Variants in ACSS3 observed in about 807,000 individuals in gnomAD.
ACSS3 encodes the protein acyl-CoA synthetase short chain family member 3, also known as acyl-CoA synthetase short-chain family member 3, mitochondrial.
In ACSS3, 64 loss-of-function variants were observed where a neutral mutation model predicts 84.2. That is an observed-to-expected ratio of 0.76 (90% CI 0.62 to 0.94). The LOEUF is 0.94. Ranked by LOEUF, ACSS3 falls within the 40% of genes least tolerant of loss-of-function variation. The pLI, the probability that ACSS3 is intolerant of heterozygous loss-of-function variation, is 0.00. For missense variants in ACSS3, 815 were observed against 867.6 expected (o/e 0.94, Z 0.76); for synonymous variants, 317 against 310.1 (o/e 1.02, Z -0.23).
At position 81,213,947 on chromosome 12, in the gene ACSS3, C is replaced by CCT. The variant is rs1390422846; in HGVS notation, c.1355-2954_1355-2953insCT. Among the ~76,000 whole-genome samples, 244 of 47,516 alleles carry CCT rather than the reference C, an allele frequency of 5.1e-3. 12 individuals carry two copies. The highest frequency in any genetic ancestry group is 0.012 in the Middle Eastern group (1 of 82). The allele number at this position is 47,516 out of a possible 152,430, so 31.2% of individuals were successfully genotyped here. On this transcript the variant is annotated intron_variant, in intron 9 of 15. Transcript: ENST00000548058. ...TTCCTTCCTTCCTTTCTCTCTCTCTCTCCCTCTCTCTCTTTCTTTCTTTCT... is the reference window on the plus strand; with the variant it reads ...TTCCTTCCTTCCTTTCTCTCTCTCTCCTTCCCTCTCTCTCTTTCTTTCTTTCT...
chr12:81,246,422 G>A lies in ACSS3; in HGVS notation c.1720-6885G>A, dbSNP rs143189881. ...CAGGCTCTTAGGGCTTTTTCTGTCTGTACTCATTGTCAGTTACACATGCTG... is the reference window on the plus strand; with the variant it reads ...CAGGCTCTTAGGGCTTTTTCTGTCTATACTCATTGTCAGTTACACATGCTG... On this transcript the variant is annotated intron_variant, in intron 13 of 15. Coordinates refer to ENST00000548058, the MANE Select transcript of ACSS3 (RefSeq NM_024560.4). Among the ~76,000 whole-genome samples the A allele has an allele frequency of 7.9e-5, 12 of 152,234 alleles. No individual in the cohort carries two copies. In the East Asian group the frequency reaches 2.1e-3, roughly 27 times the overall value.
intron 8 of ACSS3, among the ~76,000 whole-genome samples, chr12:81,195,072 A>G (rs1047297028): frequency 2.0e-5 from 3 of 152,054 alleles, no homozygotes; most frequent in Admixed American, 6.6e-5. Context: ...AAACTAATTT[A>G]TGGCTTAACA....
intron 8 of ACSS3, among the ~76,000 whole-genome samples, chr12:81,181,423 G>T (rs1393334768): frequency 6.6e-6 from 1 of 152,122 alleles, no homozygotes; most frequent in African/African-American, 2.4e-5. Flanking sequence ...TCTGAAGTTT[G>T]GAAGAGGAGA....
At chr12:81,237,307 G>T (rs2033662112) in intron 13 of ACSS3, among the ~76,000 whole-genome samples, 1 of 151,466 alleles carries the variant, frequency 6.6e-6, no homozygotes, top group African/African-American at 2.4e-5. Context: ...TTTAAGATCT[G>T]AGCAATTCAT....
At chr12:81,085,606 ATCAAGGGAACT>A (rs1881258259) in intron 1 of ACSS3, among the ~76,000 whole-genome samples, 2 of 152,248 alleles carry the variant, frequency 1.3e-5, no homozygotes, top group Non-Finnish European at 2.9e-5. Flanking sequence ...TCCTCCAAAT[ATCAAGGGAACT>A]GTTCCGAAGG....
chr12:81,213,576 C>CTT (rs2135932349), intron 9 of ACSS3, among the ~76,000 whole-genome samples: 1 of 39,864 alleles, frequency 2.5e-5, no homozygotes. Context: ...CCTCTCCTCT[C>CTT]CTCTCCTCCC....
chr12:81,171,843 TA>T lies in ACSS3; in HGVS notation c.1099-2944del, dbSNP rs571571992. Among the ~76,000 whole-genome samples, 14 of 152,298 alleles carry T rather than the reference TA, an allele frequency of 9.2e-5. No homozygotes were observed. In the South Asian group the frequency reaches 2.9e-3, roughly 32 times the overall value. ...CTTACACAAACCTAGTGGTATAGCC[TA>T]CTACATAGCAGGGCTACATGGTATA... is the stretch of plus-strand genomic sequence containing the variant. On this transcript the variant is annotated intron_variant, in intron 7 of 15. Transcript: ENST00000548058.
At chr12:81,143,652 G>A (rs1437203970) in intron 5 of ACSS3, 1 of 151,944 alleles carries the variant, frequency 6.6e-6, no homozygotes, top group Non-Finnish European at 1.5e-5. Context: ...TGAGGTATAA[G>A]TTTCATGCAG....
chr12:81,154,355 G>A (rs561757675), intron 7 of ACSS3, among the ~76,000 whole-genome samples: 2 of 152,312 alleles, frequency 1.3e-5, no homozygotes, highest in East Asian at 3.9e-4. Context: ...TTAACACTGT[G>A]ATGGAGGGTT....
At chr12:81,199,794 T>G in intron 9 of ACSS3, 8 of 714,074 alleles carry the variant, frequency 1.1e-5, no homozygotes, top group Non-Finnish European at 1.7e-5. Context: ...CTTTGAGCTC[T>G]GGCAGCTGCA....
chr12:81,236,405 A>C (rs2033631769), intron 13 of ACSS3, among the ~76,000 whole-genome samples: 1 of 151,362 alleles, frequency 6.6e-6, no homozygotes, highest in African/African-American at 2.4e-5. Flanking sequence ...CCTTATTCTG[A>C]AATCTACTGT....
chr12:81,192,546 G>A (rs530793099), intron 8 of ACSS3, among the ~76,000 whole-genome samples: 11 of 152,300 alleles, frequency 7.2e-5, no homozygotes, highest in African/African-American at 2.2e-4. Context: ...CTTGAAGCTA[G>A]ACTCCAATAT....
chr12:81,129,907 A>C (rs1885378515), intron 2 of ACSS3, among the ~76,000 whole-genome samples: 1 of 151,782 alleles, frequency 6.6e-6, no homozygotes, highest in Non-Finnish European at 1.5e-5. Context: ...TAGTTTGCTT[A>C]GAATGATGGT....
chr12:81,209,486 C>T (rs1229953653), intron 9 of ACSS3, among the ~76,000 whole-genome samples: 1 of 151,832 alleles, frequency 6.6e-6, no homozygotes, highest in African/African-American at 2.4e-5. Context: ...GCCAGGGATT[C>T]TGGTGCTCCA....
intron 1 of ACSS3, among the ~76,000 whole-genome samples, chr12:81,080,962 C>A (rs1488787792): frequency 6.6e-6 from 1 of 152,128 alleles, no homozygotes; most frequent in Non-Finnish European, 1.5e-5. Flanking sequence ...ATATTGACAG[C>A]CAAGTGCTTA....
chr12:81,230,205 T>C (rs1349630675), intron 11 of ACSS3, among the ~76,000 whole-genome samples: 2 of 151,854 alleles, frequency 1.3e-5, no homozygotes, highest in Admixed American at 6.6e-5. Flanking sequence ...TATTGAAAAT[T>C]CCAAACTAAA....
chr12:81,144,308 AT>A (rs1209258880), intron 5 of ACSS3, among the ~76,000 whole-genome samples: 2 of 151,770 alleles, frequency 1.3e-5, no homozygotes, highest in African/African-American at 4.9e-5. Context: ...TGCTCAATAA[AT>A]TTTTGTTGAA....
chr12:81,151,916 C>T lies in ACSS3; in HGVS notation c.994C>T (p.Pro332Ser). The T allele has an allele frequency of 6.2e-7, 1 of 1,613,768 alleles. No homozygotes were observed. Among genetic ancestry groups the T allele is most frequent in the Non-Finnish European group, 8.5e-7 (1 of 1,179,850 alleles). The change falls in exon 6 of 16, where the codon CCC (proline) becomes TCC (serine). Residue 332 changes from proline (P) to serine (S), a missense_variant. Physicochemically the swap from Pro to Ser is moderately conservative, Grantham distance 74. Transcript: ENST00000548058. ...AATGTCTTCCATATACGGACTTCAA[C>T]CCGGAGAGGTAATCGTGGTTTTAAA... ...WSMSSIYGLQ[P>S]GEVWWAASDL...
chr12:81,167,759 G>A (rs1887471064), intron 7 of ACSS3, among the ~76,000 whole-genome samples: 1 of 152,130 alleles, frequency 6.6e-6, no homozygotes, highest in Non-Finnish European at 1.5e-5. Context: ...CGTGAATTTT[G>A]GGAGGCATGT....
Sources: allele counts gnomAD v4.1 joint callset (sites outside exome capture counted in the v4.1 genomes callset), GRCh38; gene constraint gnomAD v4.1.1; transcripts MANE v1.5; gene names NCBI Gene and HGNC (gene_info 2026-07-23, HGNC 2026-07-21).